The following MID1 variants were observed in gnomAD, a reference collection of about 807,000 sequenced individuals.
MID1 encodes midline 1.
In MID1, 7 loss-of-function variants were observed where a neutral mutation model predicts 40.4. The observed-to-expected ratio is 0.17, with a 90% CI of 0.10 to 0.33. MID1 has a LOEUF of 0.33. MID1 is among the 10% of genes least tolerant of loss of function. The pLI, the probability that MID1 is intolerant of heterozygous loss-of-function variation, is 1.00. For synonymous variants in MID1, 229 were observed against 221.2 expected, an observed-to-expected ratio of 1.04 and a Z score of -0.31; for missense variants, 367 against 558.5, an observed-to-expected ratio of 0.66 and a Z score of 3.46.
At chrX:10,828,945 G>A (rs1289239736) in intron 1 of MID1, among the ~76,000 whole-genome samples, 1 of 112,057 alleles carries the variant, frequency 8.9e-6, no homozygotes, top group African/African-American at 3.2e-5. Flanking sequence ...TGTCTCCATC[G>A]ATAGATGAGG....
intron 3 of MID1, among the ~76,000 whole-genome samples, chrX:10,518,820 A>G (rs985358038): frequency 8.9e-6 from 1 of 112,201 alleles, no homozygotes; most frequent in East Asian, 2.8e-4. Flanking sequence ...ACAACAGAGA[A>G]AAGAATGAAT....
At chrX:10,760,225 T>A (rs1020527071) in intron 1 of MID1, among the ~76,000 whole-genome samples, 3 of 111,534 alleles carry the variant, frequency 2.7e-5, no homozygotes, top group African/African-American at 9.8e-5. Context: ...ACACTGCCTT[T>A]TATAAATCTA....
At chrX:10,830,665 A>G (rs2044247017) in intron 1 of MID1, among the ~76,000 whole-genome samples, 1 of 112,244 alleles carries the variant, frequency 8.9e-6, no homozygotes, top group Non-Finnish European at 1.9e-5. Flanking sequence ...AAGCCATATT[A>G]GTGGTGGGAG....
intron 4 of MID1, among the ~76,000 whole-genome samples, 185 bp from the exon 5 acceptor site, chrX:10,482,813 A>G (rs1299364005): frequency 1.8e-5 from 2 of 112,664 alleles, no homozygotes; most frequent in Admixed American, 9.4e-5. Context: ...TCCTTATCTC[A>G]TTGGAGAAGC....
intron 1 of MID1, among the ~76,000 whole-genome samples, chrX:10,585,728 A>AT (rs200786866): frequency 8.4e-4 from 88 of 105,116 alleles, no homozygotes; most frequent in African/African-American, 2.3e-3. Context: ...GGTGGACAGG[A>AT]TTTTTTTTTT....
chrX:10,575,915 T>A (rs186908073), intron 1 of MID1, among the ~76,000 whole-genome samples: 45 of 109,730 alleles, frequency 4.1e-4, no homozygotes, highest in Middle Eastern at 9.3e-3. Context: ...AGCCTCCAAA[T>A]GTCAGCACAC....
chrX:10,720,403 C>G (rs975627852), intron 1 of MID1, among the ~76,000 whole-genome samples: 13 of 112,203 alleles, frequency 1.2e-4, no homozygotes, highest in Non-Finnish European at 2.1e-4. Flanking sequence ...TGAACAGACA[C>G]TTCTCAAAGA....
rs933185982 is a variant in MID1, at chrX:10,695,729, G to A, written c.-186-75310C>T. On this transcript the variant is annotated intron_variant, in intron 1 of 10. Transcript: ENST00000380785. ...GCAGCAGGCAGGAAGAACCCATCAGGCAATTACAGAGTTGGAGGAATAGGC... is the reference window on the plus strand; with the variant it reads ...GCAGCAGGCAGGAAGAACCCATCAGACAATTACAGAGTTGGAGGAATAGGC... 8.9e-5 allele frequency among the ~76,000 whole-genome samples: 10 copies of A among 111,917 alleles called. No homozygotes were observed. In the Admixed American group the frequency reaches 9.5e-4, roughly 11 times the overall value.
At chrX:10,743,116 C>T (rs182204358) in intron 1 of MID1, among the ~76,000 whole-genome samples, 1 of 112,842 alleles carries the variant, frequency 8.9e-6, no homozygotes, top group Non-Finnish European at 1.9e-5. Context: ...GAACAGACTG[C>T]GTCTAGACAG....
At chrX:10,636,785 G>GACATATATATATATATATATAT (rs757390504) in intron 1 of MID1, among the ~76,000 whole-genome samples, 6 of 42,708 alleles carry the variant, frequency 1.4e-4, no homozygotes, top group Non-Finnish European at 4.0e-5. Context: ...CAACAATGGG[G>GACATATATATATATATATATAT]ATATATATAT....
At chrX:10,544,980 T>C (rs1037854184) in intron 2 of MID1, among the ~76,000 whole-genome samples, 1 of 112,040 alleles carries the variant, frequency 8.9e-6, no homozygotes, top group African/African-American at 3.2e-5. Context: ...TTCCTGAGAC[T>C]GAGTCTCGCT....
At chrX:10,747,127 G>C (rs370848995) in intron 1 of MID1, among the ~76,000 whole-genome samples, 1 of 111,255 alleles carries the variant, frequency 9.0e-6, no homozygotes, top group Non-Finnish European at 1.9e-5. Flanking sequence ...TTGGGAGTTT[G>C]GTGTTCAATT....
intron 2 of MID1, among the ~76,000 whole-genome samples, chrX:10,536,053 CA>C (rs35748627): frequency 0.34 from 31,248 of 92,055 alleles, 4,182 homozygotes; most frequent in Non-Finnish European, 0.39. Context: ...GACCCTGTCT[CA>C]AAAAAAAAAA....
chrX:10,585,176 G>A (rs751897578), intron 1 of MID1, among the ~76,000 whole-genome samples: 15 of 111,444 alleles, frequency 1.3e-4, no homozygotes, highest in East Asian at 5.7e-4. Context: ...TTGGTTTCAC[G>A]TCTGGTTGCT....
downstream of MID1, chrX:10,445,342 T>G (rs1385413668): frequency 8.9e-6 from 1 of 112,412 alleles, no homozygotes; most frequent in Non-Finnish European, 1.9e-5. Flanking sequence ...TATTGTGTTT[T>G]AAAAATTCCC....
intron 3 of MID1, among the ~76,000 whole-genome samples, chrX:10,516,600 G>C (rs1932444070): frequency 1.4e-5 from 1 of 70,638 alleles, no homozygotes; most frequent in African/African-American, 7.4e-5. Context: ...GTGTGTGTGT[G>C]TGTGTGTGTG....
intron 1 of MID1, among the ~76,000 whole-genome samples, chrX:10,722,022 A>G (rs1360585903): frequency 9.0e-6 from 1 of 111,707 alleles, no homozygotes; most frequent in African/African-American, 3.3e-5. Flanking sequence ...TTCTTTGGCC[A>G]TCTCCTTATA....
intron 3 of MID1, among the ~76,000 whole-genome samples, chrX:10,509,507 C>T (rs1448908200): frequency 2.7e-5 from 3 of 111,354 alleles, no homozygotes; most frequent in East Asian, 2.8e-4. Flanking sequence ...CCACCTCGAT[C>T]GATCTCTATT....
chrX:10,755,528 CA>C (rs1464010599), intron 1 of MID1, among the ~76,000 whole-genome samples: 6 of 111,940 alleles, frequency 5.4e-5, no homozygotes, highest in Non-Finnish European at 1.1e-4. Context: ...TACTTCATGG[CA>C]AAGACATTTG....
Sources: allele counts gnomAD v4.1 joint callset (sites outside exome capture counted in the v4.1 genomes callset), GRCh38; gene constraint gnomAD v4.1.1; transcripts MANE v1.5; gene names NCBI Gene and HGNC (gene_info 2026-07-23, HGNC 2026-07-21).